KCTD16: variants seen among roughly 807,000 people sequenced by gnomAD.
KCTD16 encodes BTB/POZ domain-containing protein KCTD16.
In KCTD16, 13 loss-of-function variants were observed where a neutral mutation model predicts 33.2. The observed-to-expected ratio is 0.39, with a 90% confidence interval of 0.25 to 0.62. The LOEUF (loss-of-function observed/expected upper bound fraction) is 0.62, where lower values mean the gene tolerates loss of function less well. Ranked by LOEUF, KCTD16 falls within the 20% of genes least tolerant of loss-of-function variation. KCTD16 has a pLI of 0.50. For missense variants in KCTD16, 441 were observed against 525.1 expected, an observed-to-expected ratio of 0.84 and a Z score of 1.57; for synonymous variants, 197 against 195.3, an observed-to-expected ratio of 1.01 and a Z score of -0.07.
chr5:144,480,775 A>G lies in KCTD16; in HGVS notation c.*6661A>G, dbSNP rs935525917. 1.3e-5 allele frequency: 2 copies of G among 152,064 alleles called. No individual in the cohort carries two copies. Among genetic ancestry groups the G allele is most frequent in the Admixed American group, 6.6e-5 (1 of 15,238 alleles). 9.4% of individuals were successfully genotyped at this position (152,064 alleles called of 1,614,324 possible). On this transcript the variant is annotated 3_prime_UTR_variant, in exon 4 of 4. Transcript: ENST00000512467. ...GTGTACTGGAAAGCCCTCCATAACA[A>G]AAAGTTATCCAGCCCACAATGTCAA...
At chr5:144,362,388 C>T (rs946359685) in intron 3 of KCTD16, among the ~76,000 whole-genome samples, 5 of 152,208 alleles carry the variant, frequency 3.3e-5, no homozygotes, top group Admixed American at 1.3e-4. Context: ...TGTGATAGAT[C>T]CTCCTCTAGA....
chr5:144,222,431 G>T (rs937544815), intron 3 of KCTD16, among the ~76,000 whole-genome samples: 1 of 152,096 alleles, frequency 6.6e-6, no homozygotes, highest in Admixed American at 6.5e-5. Flanking sequence ...GATAAATGAG[G>T]ATATGCCATT....
intron 3 of KCTD16, among the ~76,000 whole-genome samples, chr5:144,399,995 A>G (rs1397305519): frequency 1.3e-5 from 2 of 152,238 alleles, no homozygotes; most frequent in African/African-American, 2.4e-5. Flanking sequence ...CTACAGCCAC[A>G]AAGTAGACAT....
intron 3 of KCTD16, among the ~76,000 whole-genome samples, chr5:144,448,575 G>A (rs1286826966): frequency 2.0e-5 from 3 of 152,128 alleles, no homozygotes; most frequent in Non-Finnish European, 4.4e-5. Flanking sequence ...AATATGCTTG[G>A]CTTGGTTCTG....
At chr5:144,320,179 C>A (rs1752035806) in intron 3 of KCTD16, among the ~76,000 whole-genome samples, 1 of 152,124 alleles carries the variant, frequency 6.6e-6, no homozygotes, top group African/African-American at 2.4e-5. Flanking sequence ...ATACCAGTAG[C>A]TTCTAATTTC....
chr5:144,287,723 G>A (rs901068073), intron 3 of KCTD16, among the ~76,000 whole-genome samples: 15 of 151,952 alleles, frequency 9.9e-5, no homozygotes, highest in African/African-American at 2.2e-4. Context: ...AGCAACCTCC[G>A]TCTCCCGGGT....
chr5:144,344,310 A>C (rs1310276884), intron 3 of KCTD16, among the ~76,000 whole-genome samples: 2 of 151,068 alleles, frequency 1.3e-5, no homozygotes, highest in Non-Finnish European at 2.9e-5. Context: ...CAAGGACTTC[A>C]TGTCTAAAAC....
At chr5:144,237,425 G>T (rs1754285009) in intron 3 of KCTD16, among the ~76,000 whole-genome samples, 1 of 151,996 alleles carries the variant, frequency 6.6e-6, no homozygotes, top group Non-Finnish European at 1.5e-5. Context: ...CCAAACAGTG[G>T]CTTATCTGTT....
chr5:144,206,996 G>T lies in KCTD16; in HGVS notation c.282G>T (p.Val94=). 1 of 1,614,076 alleles carries T rather than the reference G, an allele frequency of 6.2e-7. No homozygotes were observed. Among genetic ancestry groups the T allele is most frequent in the South Asian group, 1.1e-5 (1 of 91,076 alleles). Residue 94 remains valine, a synonymous_variant, in exon 3 of 4, where the codon GTG becomes GTT. Coordinates refer to ENST00000512467, the MANE Select transcript of KCTD16 (RefSeq NM_020768.4). ...TGGACTATCTCAGGGACAGGCAGGT[G>T]GTCCTGCCTGATCACTTTCCAGAAA... ...YILDYLRDRQ[V]VLPDHFPEKG...
chr5:144,438,431 CTG>C (rs1753627521), intron 3 of KCTD16, among the ~76,000 whole-genome samples: 1 of 152,206 alleles, frequency 6.6e-6, no homozygotes, highest in Admixed American at 6.6e-5. Context: ...CGTGTTGACT[CTG>C]TGCATCTGTC....
At chr5:144,370,936 T>C (rs891322173) in intron 3 of KCTD16, among the ~76,000 whole-genome samples, 2 of 152,052 alleles carry the variant, frequency 1.3e-5, no homozygotes, top group African/African-American at 4.8e-5. Context: ...ACCATTAAAG[T>C]AATGGCAAAA....
chr5:144,267,134 C>G (rs1178708265), intron 3 of KCTD16, among the ~76,000 whole-genome samples: 2 of 152,080 alleles, frequency 1.3e-5, no homozygotes, highest in African/African-American at 4.8e-5. Flanking sequence ...AAGGATAGAT[C>G]CTAAGTATTT....
intron 3 of KCTD16, among the ~76,000 whole-genome samples, chr5:144,277,027 A>T (rs1755457039): frequency 6.6e-6 from 1 of 152,270 alleles, no homozygotes; most frequent in African/African-American, 2.4e-5. Context: ...CAAGGTGTGA[A>T]GCAGAGCTCT....
intron 3 of KCTD16, among the ~76,000 whole-genome samples, chr5:144,213,411 T>C (rs1753461266): frequency 6.6e-6 from 1 of 151,886 alleles, no homozygotes; most frequent in Non-Finnish European, 1.5e-5. Flanking sequence ...CTTTCTTTTT[T>C]TCTCTCTCTC....
intron 3 of KCTD16, among the ~76,000 whole-genome samples, chr5:144,325,499 C>G (rs1368180784): frequency 1.3e-5 from 2 of 152,154 alleles, no homozygotes; most frequent in African/African-American, 4.8e-5. Context: ...CCCTCTCCCC[C>G]TCCCCTTAGA....
intron 3 of KCTD16, among the ~76,000 whole-genome samples, chr5:144,448,840 T>A (rs1453757034): frequency 2.6e-5 from 4 of 152,034 alleles, no homozygotes; most frequent in Non-Finnish European, 5.9e-5. Context: ...TATATCACAT[T>A]AGGTCTCAAT....
intron 3 of KCTD16, among the ~76,000 whole-genome samples, chr5:144,284,099 T>C (rs2126856959): frequency 6.6e-6 from 1 of 152,296 alleles, no homozygotes; most frequent in East Asian, 1.9e-4. Flanking sequence ...ATTCCTAATC[T>C]CCCCTTAGAA....
At chr5:144,195,418 G>A (rs1362775301) in intron 2 of KCTD16, among the ~76,000 whole-genome samples, 1 of 152,194 alleles carries the variant, frequency 6.6e-6, no homozygotes, top group Non-Finnish European at 1.5e-5. Flanking sequence ...CAGCCTGCTT[G>A]CTACCATCCA....
At chr5:144,328,301 T>A (rs1752262335) in intron 3 of KCTD16, among the ~76,000 whole-genome samples, 1 of 152,112 alleles carries the variant, frequency 6.6e-6, no homozygotes, top group South Asian at 2.1e-4. Flanking sequence ...CATGGAAAGG[T>A]GCATATGTGG....
Sources: gnomAD v4.1 joint callset for allele counts (sites outside exome capture counted in the v4.1 genomes callset) on GRCh38, gnomAD v4.1.1 for gene constraint, MANE v1.5 for transcripts, NCBI Gene and HGNC (gene_info 2026-07-23, HGNC 2026-07-21) for gene names.